Variants in LRRK1 observed in about 807,000 individuals in gnomAD.
The protein encoded by LRRK1 is leucine-rich repeat serine/threonine-protein kinase 1.
LRRK1 carries 113 observed loss-of-function variants against 209.1 expected under a neutral mutation model. The observed-to-expected ratio is 0.54, with a 90% CI of 0.46 to 0.63. The LOEUF is 0.63. LRRK1 is among the 30% of genes least tolerant of loss of function. The pLI, the probability that LRRK1 is intolerant of heterozygous loss-of-function variation, is 0.00. For missense variants in LRRK1, 2,284 were observed against 2,632.2 expected, an observed-to-expected ratio of 0.87 and a Z score of 2.89; for synonymous variants, 1,144 against 1,099.7, an observed-to-expected ratio of 1.04 and a Z score of -0.80.
chr15:101,031,387 G>A (rs548618620), intron 20 of LRRK1, among the ~76,000 whole-genome samples: 4 of 152,134 alleles, frequency 2.6e-5, no homozygotes, highest in Admixed American at 2.0e-4. Context: ...TTGGCTTCTC[G>A]CACTAAACAT....
intron 10 of LRRK1, among the ~76,000 whole-genome samples, chr15:101,012,782 G>A (rs2033329414): frequency 6.6e-6 from 1 of 152,208 alleles, no homozygotes; most frequent in Non-Finnish European, 1.5e-5. Context: ...TTCAGCATGT[G>A]TATCCTCAGA....
chr15:100,976,493 TA>T (rs1405261384), intron 3 of LRRK1, among the ~76,000 whole-genome samples: 4 of 152,342 alleles, frequency 2.6e-5, no homozygotes, highest in African/African-American at 9.6e-5. Flanking sequence ...CTTTTTAAGC[TA>T]ATCAGATTGA....
At chr15:101,014,146 C>T (rs78893556) in intron 10 of LRRK1, among the ~76,000 whole-genome samples, 170 bp from the exon 11 acceptor site, 1,879 of 152,212 alleles carry the variant, frequency 0.012, 60 homozygotes, top group East Asian at 0.085. Context: ...GATATCATTT[C>T]GTGAGTTTGA....
chr15:101,066,871 G>C, intron 33 of LRRK1, 130 bp downstream of exon 33: 1 of 827,570 alleles, frequency 1.2e-6, no homozygotes. Context: ...TAACGTGGCT[G>C]TAAGGCAAAG....
Position 100,988,677 on chromosome 15 carries a change from G to A in LRRK1, c.477G>A (p.Leu159=). 1.2e-6 allele frequency: 2 copies of A among 1,614,200 alleles called. No individual in the cohort carries two copies. Among genetic ancestry groups the A allele is most frequent in the Middle Eastern group, 1.6e-4 (1 of 6,062 alleles). ...PQRLLNWMLA[L]ACQRGHLGVV... ...GGCTTCTGAACTGGATGCTGGCCTT[G>A]GCTTGCCAGCGAGGGCACCTGGGGG... The change falls in exon 5 of 34, where the codon TTG becomes TTA. Residue 159 remains leucine, a synonymous_variant. Transcript: ENST00000388948.
At chr15:101,047,036 C>T (rs542103452) in intron 21 of LRRK1, among the ~76,000 whole-genome samples, 3 of 152,330 alleles carry the variant, frequency 2.0e-5, no homozygotes, top group Non-Finnish European at 2.9e-5. Context: ...GGGGGAACCC[C>T]GCACTGGTTT....
chr15:100,984,976 G>GTA, intron 4 of LRRK1, among the ~76,000 whole-genome samples: 2 of 152,302 alleles, frequency 1.3e-5, no homozygotes, highest in Non-Finnish European at 2.9e-5. Flanking sequence ...TTAATACTCT[G>GTA]TACTCACTAT....
At chr15:101,013,768 T>C (rs1268165997) in intron 10 of LRRK1, among the ~76,000 whole-genome samples, 1 of 152,140 alleles carries the variant, frequency 6.6e-6, no homozygotes, top group African/African-American at 2.4e-5. Context: ...ACCCCAGACA[T>C]GCTGATAATC....
At position 101,061,185 on chromosome 15, in the gene LRRK1, TGAACACAGAG is replaced by T; in HGVS notation, c.4695_4704del (p.Asn1566ArgfsTer14). ...GCCACTTACAGGAACTACACGGTGGTGAACACAGAGAAGGGCCTCATGGAGGTGCAGAGGA... is the reference window on the plus strand; with the variant it reads ...GCCACTTACAGGAACTACACGGTGGTAAGGGCCTCATGGAGGTGCAGAGGA... On this transcript the variant is annotated frameshift_variant, in exon 30 of 34. Coordinates refer to ENST00000388948, the MANE Select transcript of LRRK1 (RefSeq NM_024652.6). LOFTEE classifies it high-confidence loss of function. 6.2e-7 allele frequency: 1 copy of T among 1,613,652 alleles called. No individual in the cohort carries two copies.
At chr15:100,998,195 A>AG (rs1216747742) in intron 6 of LRRK1, among the ~76,000 whole-genome samples, 1 of 151,842 alleles carries the variant, frequency 6.6e-6, no homozygotes, top group East Asian at 1.9e-4. Context: ...AAAAAAAAAA[A>AG]AGAAAGGAAG....
chr15:100,923,116 T>C (rs560670302), intron 1 of LRRK1, among the ~76,000 whole-genome samples: 1 of 152,338 alleles, frequency 6.6e-6, no homozygotes, highest in East Asian at 1.9e-4. Flanking sequence ...GGCCTCCAAG[T>C]CTGTGCGCTG....
intron 21 of LRRK1, among the ~76,000 whole-genome samples, chr15:101,046,854 C>T (rs144049259): frequency 1.0e-3 from 156 of 152,332 alleles, no homozygotes; most frequent in African/African-American, 3.2e-3. Context: ...AAGGCGTCCC[C>T]GCTGTCAGAC....
At chr15:100,984,244 G>T (rs1429770326) in intron 4 of LRRK1, among the ~76,000 whole-genome samples, 1 of 152,176 alleles carries the variant, frequency 6.6e-6, no homozygotes, top group Non-Finnish European at 1.5e-5. Context: ...CCCTCCACAT[G>T]GTTTTCCCTA....
At chr15:100,965,717 G>A (rs1165097883) in intron 2 of LRRK1, among the ~76,000 whole-genome samples, 1 of 151,848 alleles carries the variant, frequency 6.6e-6, no homozygotes, top group East Asian at 1.9e-4. Context: ...AAATCTCCCT[G>A]GTGCTATTCA....
At chr15:101,013,055 G>A (rs1173531889) in intron 10 of LRRK1, among the ~76,000 whole-genome samples, 1 of 152,184 alleles carries the variant, frequency 6.6e-6, no homozygotes, top group Non-Finnish European at 1.5e-5. Context: ...AAGCCCAGAA[G>A]CAGCAAATCA....
chr15:101,011,638 C>G (rs1446458301), intron 9 of LRRK1, among the ~76,000 whole-genome samples: 3 of 151,948 alleles, frequency 2.0e-5, no homozygotes, highest in Admixed American at 6.5e-5. Flanking sequence ...GGTTTTAAAC[C>G]AGGAAACTCT....
chr15:100,935,628 G>A (rs922276454), intron 2 of LRRK1, among the ~76,000 whole-genome samples: 1 of 152,198 alleles, frequency 6.6e-6, no homozygotes, highest in Non-Finnish European at 1.5e-5. Flanking sequence ...CCAGGATGGT[G>A]GGGTAGCAGT....
intron 4 of LRRK1, among the ~76,000 whole-genome samples, chr15:100,986,155 A>G (rs1253887838): frequency 2.0e-5 from 3 of 152,220 alleles, no homozygotes; most frequent in Non-Finnish European, 4.4e-5. Flanking sequence ...GCAGTCAGCT[A>G]TGATCACATT....
chr15:101,015,988 CTT>C (rs112045047), intron 12 of LRRK1, among the ~76,000 whole-genome samples: 23 of 143,304 alleles, frequency 1.6e-4, no homozygotes, highest in African/African-American at 2.0e-4. Flanking sequence ...TCTTCCTCTT[CTT>C]TTTTTTTTTT....
Sources: gnomAD v4.1 joint callset for allele counts (sites outside exome capture counted in the v4.1 genomes callset) on GRCh38, gnomAD v4.1.1 for gene constraint, MANE v1.5 for transcripts, NCBI Gene and HGNC (gene_info 2026-07-23, HGNC 2026-07-21) for gene names.